Variants in GRIK2 observed in about 807,000 individuals in gnomAD.
GRIK2 encodes the protein glutamate receptor ionotropic, kainate 2.
In GRIK2, 32 loss-of-function variants were observed where a neutral mutation model predicts 100.3. The ratio of observed to expected loss-of-function variants is 0.32; its 90% CI spans 0.24 to 0.43. The LOEUF (loss-of-function observed/expected upper bound fraction) is 0.43. Ranked by LOEUF, GRIK2 falls within the 20% of genes least tolerant of loss-of-function variation. The probability of loss-of-function intolerance (pLI) is 1.00; values close to 1 mark genes in which losing one functional copy is unlikely to be tolerated. For missense variants in GRIK2, 843 were observed against 1,114.9 expected, an observed-to-expected ratio of 0.76 and a Z score of 3.47; for synonymous variants, 417 against 389.4, an observed-to-expected ratio of 1.07 and a Z score of -0.83.
At chr6:101,578,621 G>T (rs1291105834) in intron 2 of GRIK2, among the ~76,000 whole-genome samples, 1 of 146,852 alleles carries the variant, frequency 6.8e-6, no homozygotes, top group Non-Finnish European at 1.5e-5. Context: ...GCCAGGAGGG[G>T]ATAGAACAGC....
At chr6:101,571,213 T>G (rs1460514754) in intron 2 of GRIK2, among the ~76,000 whole-genome samples, 1 of 152,150 alleles carries the variant, frequency 6.6e-6, no homozygotes, top group Non-Finnish European at 1.5e-5. Flanking sequence ...ATTGATATGT[T>G]TGTTAAAAAC....
intron 2 of GRIK2, among the ~76,000 whole-genome samples, chr6:101,515,709 ATCT>A (rs1316861845): frequency 1.3e-5 from 2 of 152,058 alleles, no homozygotes; most frequent in African/African-American, 2.4e-5. Flanking sequence ...CCATTTGTAC[ATCT>A]TCTTTTGAGA....
At chr6:101,461,091 T>G (rs1771284263) in intron 2 of GRIK2, among the ~76,000 whole-genome samples, 1 of 152,058 alleles carries the variant, frequency 6.6e-6, no homozygotes, top group Admixed American at 6.6e-5. Context: ...AACAGAAGAG[T>G]CAACTAATTT....
At chr6:101,987,361 G>A (rs1261435919) in intron 14 of GRIK2, among the ~76,000 whole-genome samples, 1 of 151,700 alleles carries the variant, frequency 6.6e-6, no homozygotes, top group African/African-American at 2.4e-5. Flanking sequence ...AAACAAAGAA[G>A]TAGTAATCCT....
At chr6:101,957,768 C>T (rs1479708539) in intron 14 of GRIK2, among the ~76,000 whole-genome samples, 2 of 151,962 alleles carry the variant, frequency 1.3e-5, no homozygotes, top group African/African-American at 4.8e-5. Flanking sequence ...TTCCCAGCAC[C>T]ATTTATTGAA....
At chr6:101,823,796 ATTTG>A (rs1480904922) in intron 10 of GRIK2, among the ~76,000 whole-genome samples, 1 of 143,534 alleles carries the variant, frequency 7.0e-6, no homozygotes, top group Non-Finnish European at 1.5e-5. Flanking sequence ...TATTTTATTT[ATTTG>A]TTTGTTTATT....
intron 4 of GRIK2, among the ~76,000 whole-genome samples, chr6:101,632,536 A>G (rs1271559984): frequency 6.6e-6 from 1 of 152,162 alleles, no homozygotes; most frequent in Non-Finnish European, 1.5e-5. Flanking sequence ...ATTCAGCCAT[A>G]ATTTTCAGAT....
At chr6:101,858,376 A>ATTTTTT in intron 10 of GRIK2, among the ~76,000 whole-genome samples, 1 of 125,452 alleles carries the variant, frequency 8.0e-6, no homozygotes, top group Non-Finnish European at 1.6e-5. Context: ...CTCTCTCTCT[A>ATTTTTT]TTTTTTTTTC....
Position 102,038,080 on chromosome 6 carries a change from A to G in GRIK2, c.2311+2514A>G, listed in dbSNP as rs562584863. On this transcript the variant is annotated intron_variant, in intron 15 of 16. Coordinates refer to ENST00000369134, the MANE Select transcript of GRIK2 (RefSeq NM_021956.5). The stretch of plus-strand genomic sequence containing the variant: ...AAATTTATGGCCTCTAATTTTTTAA[A>G]CTAGTAAAAGAAGAGGATTGTATAT... 7.3e-4 allele frequency among the ~76,000 whole-genome samples: 110 copies of G among 151,518 alleles called. 2 individuals carry two copies. The highest frequency in any genetic ancestry group is 6.8e-3 in the South Asian group (33 of 4,824).
intron 12 of GRIK2, among the ~76,000 whole-genome samples, chr6:101,898,393 G>GT (rs540717622): frequency 4.6e-5 from 7 of 151,278 alleles, no homozygotes; most frequent in South Asian, 2.1e-4. Flanking sequence ...AAACTTGGCA[G>GT]TTTTTTTTAT....
At chr6:101,988,549 A>G (rs1794177323) in intron 14 of GRIK2, among the ~76,000 whole-genome samples, 1 of 151,784 alleles carries the variant, frequency 6.6e-6, no homozygotes, top group Non-Finnish European at 1.5e-5. Flanking sequence ...TGGACAAGCT[A>G]CTTAATGCTC....
chr6:102,026,256 C>G (rs1769701711), intron 14 of GRIK2, among the ~76,000 whole-genome samples: 1 of 149,570 alleles, frequency 6.7e-6, no homozygotes, highest in African/African-American at 2.4e-5. Flanking sequence ...TTCTGATTAT[C>G]TTTACAGAGC....
chr6:101,628,892 A>G (rs905450728), intron 4 of GRIK2, among the ~76,000 whole-genome samples: 3 of 152,140 alleles, frequency 2.0e-5, no homozygotes, highest in African/African-American at 4.8e-5. Flanking sequence ...GTCTACAGAC[A>G]TATTAACTTT....
chr6:101,768,316 C>A (rs575049827), intron 7 of GRIK2, among the ~76,000 whole-genome samples: 7 of 152,198 alleles, frequency 4.6e-5, no homozygotes, highest in Admixed American at 4.6e-4. Flanking sequence ...CTTTTTTGTT[C>A]CATGGAATAA....
At chr6:101,922,965 C>T (rs1324812483) in intron 12 of GRIK2, among the ~76,000 whole-genome samples, 1 of 152,042 alleles carries the variant, frequency 6.6e-6, no homozygotes, top group Non-Finnish European at 1.5e-5. Context: ...TGTCTAAAAC[C>T]AAAGCTAGTT....
At chr6:101,714,950 A>G (rs1773961592) in intron 7 of GRIK2, among the ~76,000 whole-genome samples, 1 of 151,788 alleles carries the variant, frequency 6.6e-6, no homozygotes, top group Non-Finnish European at 1.5e-5. Context: ...ATAAAATGTG[A>G]GTAAAATTAA....
intron 4 of GRIK2, among the ~76,000 whole-genome samples, chr6:101,636,760 GC>G (rs368695682): frequency 1.2e-3 from 177 of 151,514 alleles, no homozygotes; most frequent in African/African-American, 4.1e-3. Flanking sequence ...TTTTGGGGGG[GC>G]GGGGAAATGT....
intron 2 of GRIK2, among the ~76,000 whole-genome samples, chr6:101,446,265 C>T (rs1012766981): frequency 6.6e-6 from 1 of 151,810 alleles, no homozygotes; most frequent in Admixed American, 6.6e-5. Context: ...ATAAATTTTG[C>T]AAATTTAGAA....
At chr6:102,026,365 G>A (rs530547378) in intron 14 of GRIK2, among the ~76,000 whole-genome samples, 227 of 150,622 alleles carry the variant, frequency 1.5e-3, no homozygotes, top group African/African-American at 5.2e-3. Flanking sequence ...CATTAGGTAG[G>A]GAAAAGAAAT....
Sources: allele counts gnomAD v4.1 joint callset (sites outside exome capture counted in the v4.1 genomes callset), GRCh38; gene constraint gnomAD v4.1.1; transcripts MANE v1.5; gene names NCBI Gene and HGNC (gene_info 2026-07-23, HGNC 2026-07-21).